The following TRMT1L variants were observed in gnomAD, a reference collection of about 807,000 sequenced individuals.
TRMT1L encodes the protein tRNA (guanine(27)-N(2))-dimethyltransferase.
TRMT1L carries 28 observed loss-of-function variants against 81.6 expected under a neutral mutation model. The observed-to-expected ratio is 0.34, with a 90% CI of 0.25 to 0.47. The LOEUF (loss-of-function observed/expected upper bound fraction) is 0.47, where lower values mean the gene tolerates loss of function less well. Ranked by LOEUF, TRMT1L falls within the 20% of genes least tolerant of loss-of-function variation. TRMT1L has a pLI of 1.00. For synonymous variants in TRMT1L, 301 were observed against 303.2 expected (o/e 0.99, Z 0.07); for missense variants, 739 against 877.1 (o/e 0.84, Z 1.99).
In TRMT1L at chr1:185,131,374, C is replaced by A. The variant is rs542758821; in HGVS notation, c.1514-2627G>T. ...ACAAAACATTTGAGAACTACCATGACAGACAGAGAACAAAATTACAAAACA... is the reference window on the plus strand; with the variant it reads ...ACAAAACATTTGAGAACTACCATGAAAGACAGAGAACAAAATTACAAAACA... On this transcript the variant is annotated intron_variant, in intron 10 of 14. Transcript: ENST00000367506. Among the ~76,000 whole-genome samples the A allele has an allele frequency of 2.0e-5, 3 of 152,150 alleles. No homozygotes were observed. The East Asian group carries it at 5.8e-4, about 29-fold the overall frequency.
At position 185,145,973 on chromosome 1, in the gene TRMT1L, A is replaced by T. The variant is rs574805120; in HGVS notation, c.526-405T>A. ...CTGCTATAGCCAATTTCAAGCTACA[A>T]CTGTCATAGATTTTAAGCTATCAAT... On this transcript the variant is annotated intron_variant, in intron 4 of 14. Transcript: ENST00000367506. Among the ~76,000 whole-genome samples, 16 of 152,134 alleles carry T rather than the reference A, an allele frequency of 1.1e-4. No homozygotes were observed. The South Asian group carries it at 3.1e-3, about 30-fold the overall frequency.
At chr1:185,142,154 C>CT (rs1653066917) in intron 7 of TRMT1L, among the ~76,000 whole-genome samples, 1 of 152,182 alleles carries the variant, frequency 6.6e-6, no homozygotes, top group African/African-American at 2.4e-5. Flanking sequence ...CACCTCATCA[C>CT]TTTTACCATA....
chr1:185,124,778 A>T, intron 12 of TRMT1L, 166 bp downstream of exon 12: 1 of 522,598 alleles, frequency 1.9e-6, no homozygotes, highest in Non-Finnish European at 3.1e-6. Flanking sequence ...GAATAAAACT[A>T]TGTAATTAAA....
chr1:185,144,813 C>T (rs1241347214), intron 5 of TRMT1L, among the ~76,000 whole-genome samples: 6 of 151,816 alleles, frequency 4.0e-5, no homozygotes, highest in Non-Finnish European at 7.4e-5. Flanking sequence ...CTTTTCTACC[C>T]GTGAGGAGGC....
chr1:185,156,630 G>T lies in TRMT1L; in HGVS notation c.83C>A (p.Ala28Asp). The T allele has an allele frequency of 6.2e-7, 1 of 1,605,214 alleles. No individual in the cohort carries two copies. ...EVAQVQVPTP[A>D]RDSAGVPAPA... Reference sequence around the variant, plus strand: ...AGCTGGGACCCCAGCCGAGTCCCGGGCCGGGGTCGGGACCTGGACCTGGGC... The same window carrying T: ...AGCTGGGACCCCAGCCGAGTCCCGGTCCGGGGTCGGGACCTGGACCTGGGC... Residue 28 changes from alanine to aspartate, a missense_variant, in exon 1 of 15, where the codon GCC becomes GAC. Coordinates refer to ENST00000367506, the MANE Select transcript of TRMT1L (RefSeq NM_030934.5).
At chr1:185,127,672 T>A (rs1234149996) in intron 11 of TRMT1L, among the ~76,000 whole-genome samples, 2 of 149,542 alleles carry the variant, frequency 1.3e-5, no homozygotes, top group African/African-American at 5.0e-5. Flanking sequence ...GGTAGGAAAA[T>A]TGCTTGAACC....
chr1:185,140,181 C>T lies in TRMT1L; in HGVS notation c.901G>A (p.Val301Ile), dbSNP rs1253730643. 4 of 1,613,580 alleles carry T rather than the reference C, an allele frequency of 2.5e-6. No homozygotes were observed. The highest frequency in any genetic ancestry group is 3.4e-6 in the Non-Finnish European group (4 of 1,179,806). The change falls in exon 8 of 15, where the codon GTC (valine) becomes ATC (isoleucine). Residue 301 changes from valine (V) to isoleucine (I), a missense_variant. By Grantham distance (29) the Val-to-Ile change is conservative. Around this residue, in one of 4 missense-constraint regions of TRMT1L, gnomAD observed 331 missense variants for 462.2 expected, o/e 0.72. Coordinates refer to ENST00000367506, the MANE Select transcript of TRMT1L (RefSeq NM_030934.5). ...LQWAKHLGNAVKVTINDLNEN... is the reference protein window; with the variant it reads ...LQWAKHLGNAIKVTINDLNEN... Reference sequence around the variant, plus strand: ...TTCAAGTCATTGATTGTAACTTTGACTGCATTTCCAAGATGTTTTGCCCAC... The same window carrying T: ...TTCAAGTCATTGATTGTAACTTTGATTGCATTTCCAAGATGTTTTGCCCAC...
At chr1:185,152,594 A>G (rs942765763) in intron 1 of TRMT1L, among the ~76,000 whole-genome samples, 1 of 152,212 alleles carries the variant, frequency 6.6e-6, no homozygotes. Context: ...TCAGGAGGCT[A>G]TCTCTGCCAG....
chr1:185,144,203 A>G (rs1653125588), intron 5 of TRMT1L, among the ~76,000 whole-genome samples, 174 bp from the exon 6 acceptor site: 1 of 152,062 alleles, frequency 6.6e-6, no homozygotes, highest in Non-Finnish European at 1.5e-5. Flanking sequence ...TAAACAAACC[A>G]AAACCAAAGA....
chr1:185,127,780 AAAAG>A (rs1175742285), intron 11 of TRMT1L, among the ~76,000 whole-genome samples: 3 of 151,374 alleles, frequency 2.0e-5, no homozygotes, highest in Non-Finnish European at 4.4e-5. Flanking sequence ...AAAAAAAAAA[AAAAG>A]AATCTCTAGT....
chr1:185,150,730 C>T (rs138528117), intron 2 of TRMT1L, among the ~76,000 whole-genome samples: 124 of 152,264 alleles, frequency 8.1e-4, no homozygotes, highest in African/African-American at 2.9e-3. Context: ...ATGCATTTGT[C>T]GTTACTGGGA....
chr1:185,153,389 G>A (rs1467078351), intron 1 of TRMT1L, among the ~76,000 whole-genome samples: 1 of 152,118 alleles, frequency 6.6e-6, no homozygotes, highest in African/African-American at 2.4e-5. Context: ...AAGGAATCAG[G>A]AATGTAGATT....
chr1:185,127,043 C>T (rs1421144481), intron 11 of TRMT1L, among the ~76,000 whole-genome samples: 2 of 152,178 alleles, frequency 1.3e-5, no homozygotes, highest in Non-Finnish European at 2.9e-5. Context: ...GTCAGAAAAC[C>T]TAAGTTCTAG....
intron 7 of TRMT1L, 71 bp downstream of exon 7, chr1:185,143,286 A>G: frequency 7.3e-7 from 1 of 1,376,292 alleles, no homozygotes; most frequent in Non-Finnish European, 1.0e-6. Flanking sequence ...CTGCCCATAT[A>G]TATTTTCTAA....
chr1:185,138,196 T>C (rs956470931), intron 9 of TRMT1L, among the ~76,000 whole-genome samples: 1 of 152,198 alleles, frequency 6.6e-6, no homozygotes, highest in African/African-American at 2.4e-5. Flanking sequence ...GATAGTATGC[T>C]AGCTACTGAA....
chr1:185,152,319 T>C (rs558788343), intron 1 of TRMT1L, among the ~76,000 whole-genome samples: 1 of 152,284 alleles, frequency 6.6e-6, no homozygotes, highest in East Asian at 1.9e-4. Context: ...CACTATTAAG[T>C]AGAGATTTGC....
chr1:185,118,775 T>C lies in TRMT1L; in HGVS notation c.*1244A>G, dbSNP rs1407753109. The C allele has an allele frequency of 2.7e-5, 4 of 149,716 alleles. No homozygotes were observed. The highest frequency in any genetic ancestry group is 1.0e-4 in the African/African-American group (4 of 39,148). The allele number at this position is 149,716 out of a possible 1,614,324, so 9.3% of individuals were successfully genotyped here. On this transcript the variant is annotated 3_prime_UTR_variant, in exon 15 of 15. Coordinates refer to ENST00000367506, the MANE Select transcript of TRMT1L (RefSeq NM_030934.5). ...ATTTCTGCAAAATTAATATTCTCTA[T>C]TCATCTAATGCCTATCCACTAGATT...
chr1:185,147,290 A>G, intron 3 of TRMT1L, 44 bp from the exon 4 acceptor site: 1 of 1,430,850 alleles, frequency 7.0e-7, no homozygotes, highest in Non-Finnish European at 9.7e-7. Context: ...TTCATTAAAT[A>G]TTCAGTTATC....
chr1:185,128,265 T>C (rs1322098279), intron 11 of TRMT1L, among the ~76,000 whole-genome samples: 2 of 152,250 alleles, frequency 1.3e-5, no homozygotes, highest in Admixed American at 1.3e-4. Flanking sequence ...TTCACATGCC[T>C]TTCTCTCTTA....
Sources: allele counts gnomAD v4.1 joint callset (sites outside exome capture counted in the v4.1 genomes callset), GRCh38; gene constraint gnomAD v4.1.1; regional missense constraint gnomAD v4.1.1; transcripts MANE v1.5; gene names NCBI Gene and HGNC (gene_info 2026-07-23, HGNC 2026-07-21).